The following STARD13 variants were observed in gnomAD, a reference collection of about 807,000 sequenced individuals.
STARD13 encodes the protein StAR related lipid transfer domain containing 13.
A neutral mutation model predicts 106.4 loss-of-function variants in STARD13; 62 were observed. The observed-to-expected ratio is 0.58, with a 90% CI of 0.48 to 0.72. The LOEUF (loss-of-function observed/expected upper bound fraction) is 0.72, where lower values mean the gene tolerates loss of function less well. Among genes scored for constraint, STARD13 ranks in the 30% least tolerant of loss-of-function variants. STARD13 has a pLI of 0.00. For synonymous variants in STARD13, 565 were observed against 553.0 expected, an observed-to-expected ratio of 1.02 and a Z score of -0.31; for missense variants, 1,387 against 1,424.0, an observed-to-expected ratio of 0.97 and a Z score of 0.42.
At chr13:33,615,753 T>C in the STARD13 span, among the ~76,000 whole-genome samples, 47 of 152,352 alleles carry the variant, frequency 3.1e-4, no homozygotes, top group Middle Eastern at 3.4e-3. Context: ...ACATCCAGGT[T>C]CCTTTCCAAT....
At chr13:33,388,359 T>A in the STARD13 span, among the ~76,000 whole-genome samples, 211 of 152,318 alleles carry the variant, frequency 1.4e-3, no homozygotes, top group African/African-American at 5.0e-3. Flanking sequence ...CTTGCCTTTA[T>A]CCACCAGCAG....
In STARD13 at chr13:33,105,558, C is replaced by G; in HGVS notation, c.*35G>C. 1 of 1,463,602 alleles carries G rather than the reference C, an allele frequency of 6.8e-7. No individual in the cohort carries two copies. 90.7% of individuals were successfully genotyped at this position (1,463,602 alleles called of 1,614,324 possible). On this transcript the variant is annotated 3_prime_UTR_variant, in exon 14 of 14. Coordinates refer to ENST00000336934, the MANE Select transcript of STARD13 (RefSeq NM_178006.4). ...CTGCCACACTCGTCACTTTAGCTTC[C>G]TCTTCCCTGAGTTTGATGTCACACT...
chr13:33,297,647 G>A (rs1331696362), intron 1 of STARD13, among the ~76,000 whole-genome samples: 2 of 151,638 alleles, frequency 1.3e-5, no homozygotes, highest in Non-Finnish European at 2.9e-5. Context: ...AGAAGAAACT[G>A]CACCAAAAAG....
chr13:33,177,581 G>GC (rs766586798), intron 1 of STARD13, among the ~76,000 whole-genome samples: 17 of 152,144 alleles, frequency 1.1e-4, no homozygotes, highest in Non-Finnish European at 1.8e-4. Flanking sequence ...TTCATGTCAA[G>GC]CCATGTGATA....
chr13:33,482,783 T>C, the STARD13 span, among the ~76,000 whole-genome samples: 16 of 152,246 alleles, frequency 1.1e-4, no homozygotes, highest in Non-Finnish European at 2.2e-4. Flanking sequence ...TAGGCCAATA[T>C]ATAAAATGTA....
In STARD13 at chr13:33,171,149, T is replaced by C. The variant is rs190102185; in HGVS notation, c.170-3527A>G. 8.5e-5 allele frequency among the ~76,000 whole-genome samples: 13 copies of C among 152,370 alleles called. No individual in the cohort carries two copies. In the East Asian group the frequency reaches 1.2e-3, roughly 14 times the overall value. On this transcript the variant is annotated intron_variant, in intron 1 of 13. Transcript: ENST00000336934. ...TCTCTTGCTAGCCAGCATAATATTA[T>C]GTAAAAGCATTAAGAGCTATTAAAA...
the STARD13 span, among the ~76,000 whole-genome samples, chr13:33,586,242 T>C: frequency 6.6e-6 from 1 of 152,172 alleles, no homozygotes; most frequent in Non-Finnish European, 1.5e-5. Context: ...AGAAAACACA[T>C]CTAGTTAGTA....
At chr13:33,439,623 G>A in the STARD13 span, 1 of 770,286 alleles carries the variant, frequency 1.3e-6, no homozygotes, top group African/African-American at 1.8e-5. Flanking sequence ...AAATTTATAG[G>A]GATGAGGCAA....
intron 1 of STARD13, among the ~76,000 whole-genome samples, chr13:33,298,858 C>T (rs920634384): frequency 5.9e-5 from 9 of 152,248 alleles, no homozygotes; most frequent in Admixed American, 4.6e-4. Context: ...AATCTCCAGA[C>T]GTAGGAAACT....
chr13:33,317,258 C>T (rs1893376504), intron 1 of STARD13, among the ~76,000 whole-genome samples: 1 of 152,260 alleles, frequency 6.6e-6, no homozygotes, highest in South Asian at 2.1e-4. Context: ...GAACTCTGTG[C>T]CCATCCAACC....
At chr13:33,629,180 G>A in the STARD13 span, among the ~76,000 whole-genome samples, 1 of 152,150 alleles carries the variant, frequency 6.6e-6, no homozygotes. Flanking sequence ...CGGGCCAAAC[G>A]CCATAGGAAA....
the STARD13 span, among the ~76,000 whole-genome samples, chr13:33,362,967 C>T: frequency 1.3e-5 from 2 of 152,148 alleles, no homozygotes; most frequent in Non-Finnish European, 2.9e-5. Context: ...TGGAAATTAT[C>T]AATCCTAGAA....
At chr13:33,675,613 TTGGTGCTCTC>T in the STARD13 span, among the ~76,000 whole-genome samples, 1 of 152,102 alleles carries the variant, frequency 6.6e-6, no homozygotes, top group Admixed American at 6.5e-5. Context: ...TGGATGCAGA[TTGGTGCTCTC>T]TGTGAAAAGG....
At chr13:33,657,310 G>T in the STARD13 span, 1 of 151,956 alleles carries the variant, frequency 6.6e-6, no homozygotes, top group African/African-American at 2.4e-5. Flanking sequence ...GGATTCCACC[G>T]TTTGTCCCCC....
the STARD13 span, among the ~76,000 whole-genome samples, chr13:33,452,796 A>G: frequency 6.6e-6 from 1 of 152,218 alleles, no homozygotes; most frequent in East Asian, 1.9e-4. Context: ...GATATGCTAA[A>G]TCTATGCATA....
rs754717008 is a variant in STARD13, at chr13:33,130,076, C to A, written c.601G>T (p.Glu201Ter). 3 of 1,613,852 alleles carry A rather than the reference C, an allele frequency of 1.9e-6. No homozygotes were observed. In the African/African-American group the frequency reaches 4.0e-5, roughly 22 times the overall value. ...CGACTGTCGCTGCCTCCACTGCTTT[C>A]GCTGTGAATGGAGCAGACCTCAGGC... is the stretch of plus-strand genomic sequence containing the variant. Reference protein sequence around the residue: ...SEPEVCSIHSESSGGSDSRSQ... With the variant: ...SEPEVCSIHS The change falls in exon 5 of 14, where the codon GAA becomes TAA. Residue 201 changes from glutamate to a stop codon, truncating the protein, a stop_gained. Transcript: ENST00000336934. LOFTEE classifies it high-confidence loss of function. This position sits in a 1 kb window ranked among gnomAD's most constrained non-coding sequence, Gnocchi z 4.1.
the STARD13 span, among the ~76,000 whole-genome samples, chr13:33,635,204 A>G: frequency 1.3e-5 from 2 of 152,232 alleles, no homozygotes; most frequent in Non-Finnish European, 2.9e-5. Context: ...TACAGGATGT[A>G]CAAAAGAACA....
chr13:33,581,371 T>A, the STARD13 span, among the ~76,000 whole-genome samples: 1 of 152,148 alleles, frequency 6.6e-6, no homozygotes. Context: ...TAGGGTGGAA[T>A]GAGTTCCCAG....
At chr13:33,500,226 A>G in the STARD13 span, among the ~76,000 whole-genome samples, 2 of 152,310 alleles carry the variant, frequency 1.3e-5, no homozygotes, top group South Asian at 2.1e-4. Context: ...ATGGATTGAG[A>G]AAAATTTAGA....
Sources: allele counts gnomAD v4.1 joint callset (sites outside exome capture counted in the v4.1 genomes callset), GRCh38; gene constraint gnomAD v4.1.1; non-coding constraint Gnocchi (gnomAD v3.1); transcripts MANE v1.5; gene names NCBI Gene and HGNC (gene_info 2026-07-23, HGNC 2026-07-21).